The following PAX3 variants were observed in gnomAD, a reference collection of about 807,000 sequenced individuals.
PAX3 encodes paired box 3.
A neutral mutation model predicts 51.6 loss-of-function variants in PAX3; 14 were observed. That is an observed-to-expected ratio of 0.27 (90% CI 0.18 to 0.42). The LOEUF (loss-of-function observed/expected upper bound fraction) is 0.42. Among genes scored for constraint, PAX3 ranks in the 10% least tolerant of loss-of-function variants. PAX3 has a pLI of 1.00. For synonymous variants in PAX3, 280 were observed against 253.4 expected (o/e 1.11, Z -1.00); for missense variants, 540 against 642.8 (o/e 0.84, Z 1.73).
chr2:222,237,138 G>A (rs1280385598), intron 4 of PAX3, among the ~76,000 whole-genome samples: 1 of 151,888 alleles, frequency 6.6e-6, no homozygotes, highest in East Asian at 1.9e-4. Context: ...TAACTTCACA[G>A]CAATCCTAGG....
At chr2:222,295,782 A>T in intron 2 of PAX3, 125 bp from the exon 3 acceptor site, 1 of 1,113,238 alleles carries the variant, frequency 9.0e-7, no homozygotes, top group Non-Finnish European at 1.4e-6. Flanking sequence ...CCCCTTTGTG[A>T]GCAAAAAGAC....
chr2:222,258,106 C>T (rs1693714966), intron 4 of PAX3, among the ~76,000 whole-genome samples: 1 of 152,174 alleles, frequency 6.6e-6, no homozygotes, highest in Non-Finnish European at 1.5e-5. Flanking sequence ...AATCCTCCAA[C>T]CCTAGTGGAA....
rs1230564802 is a variant in PAX3, at chr2:222,201,094, C to G, written c.*314G>C. ...AAGCAAATGGAATGTTCTAGCTCCT[C>G]GATGATCAGCACTAAAGAATTGGGA... On this transcript the variant is annotated 3_prime_UTR_variant, in exon 9 of 9. Coordinates refer to ENST00000392070, the MANE Select transcript of PAX3 (RefSeq NM_181458.4). 2 of 1,457,646 alleles carry G rather than the reference C, an allele frequency of 1.4e-6. No individual in the cohort carries two copies. The highest frequency in any genetic ancestry group is 1.4e-5 in the African/African-American group (1 of 71,864). The allele number at this position is 1,457,646 out of a possible 1,614,324, so 90.3% of individuals were successfully genotyped here.
intron 5 of PAX3, among the ~76,000 whole-genome samples, chr2:222,228,309 C>T (rs943255819): frequency 6.6e-6 from 1 of 152,058 alleles, no homozygotes; most frequent in Non-Finnish European, 1.5e-5. Context: ...ACAGCTGTTA[C>T]GTTAATGAAG....
At chr2:222,243,984 C>G (rs6436305) in intron 4 of PAX3, among the ~76,000 whole-genome samples, 1 of 152,072 alleles carries the variant, frequency 6.6e-6, no homozygotes, top group South Asian at 2.1e-4. Context: ...TCCCTAGAGG[C>G]CGTGAAGAGG....
chr2:222,220,364 A>G lies in PAX3; in HGVS notation c.959-10T>C. On this transcript the variant is annotated splice_polypyrimidine_tract_variant and intron_variant, in intron 6 of 8. Transcript: ENST00000392070. ...CTGGGATCTGACACAGCTGAAATGA[A>G]AAAGATTGTCAACCATCATGTTTTC... 2 of 1,613,472 alleles carry G rather than the reference A, an allele frequency of 1.2e-6. No individual in the cohort carries two copies. The highest frequency in any genetic ancestry group is 1.7e-6 in the Non-Finnish European group (2 of 1,179,476).
At chr2:222,266,885 A>G (rs1286073409) in intron 4 of PAX3, among the ~76,000 whole-genome samples, 1 of 152,204 alleles carries the variant, frequency 6.6e-6, no homozygotes, top group Non-Finnish European at 1.5e-5. Context: ...AGTTTGTTGC[A>G]TTTGCAACCT....
chr2:222,295,987 A>C (rs1471934963), intron 2 of PAX3, among the ~76,000 whole-genome samples: 2 of 152,246 alleles, frequency 1.3e-5, no homozygotes, highest in Admixed American at 6.5e-5. Context: ...AACTGCTTAC[A>C]CAGAACCAAC....
intron 4 of PAX3, among the ~76,000 whole-genome samples, chr2:222,258,562 C>T (rs1693732950): frequency 6.6e-6 from 1 of 152,092 alleles, no homozygotes; most frequent in South Asian, 2.1e-4. Context: ...TAAACTTTGA[C>T]CTGTTGTTTG....
intron 4 of PAX3, among the ~76,000 whole-genome samples, chr2:222,248,607 C>A (rs1446491974): frequency 6.6e-6 from 1 of 152,148 alleles, no homozygotes; most frequent in African/African-American, 2.4e-5. Context: ...AATTTGTATC[C>A]ATTTAGCTGT....
chr2:222,231,952 G>T, intron 5 of PAX3, 126 bp downstream of exon 5: 1 of 810,556 alleles, frequency 1.2e-6, no homozygotes. Flanking sequence ...CTAACAATAT[G>T]CATCCCTAGT....
chr2:222,284,357 A>T (rs922346297), intron 4 of PAX3, among the ~76,000 whole-genome samples: 1 of 152,210 alleles, frequency 6.6e-6, no homozygotes, highest in Admixed American at 6.5e-5. Context: ...TGCTGAAAAA[A>T]CTTGTGCCAA....
chr2:222,287,441 T>C (rs907863245), intron 4 of PAX3: 4 of 152,250 alleles, frequency 2.6e-5, no homozygotes, highest in African/African-American at 9.6e-5. Context: ...CAGCCGGTTC[T>C]TGGGTCAGCA....
chr2:222,217,405 A>AAGAG (rs1490047232), intron 7 of PAX3, among the ~76,000 whole-genome samples: 1 of 152,114 alleles, frequency 6.6e-6, no homozygotes, highest in South Asian at 2.1e-4. Flanking sequence ...CTCTTCATTC[A>AAGAG]ACTCTGGACT....
intron 4 of PAX3, among the ~76,000 whole-genome samples, chr2:222,240,882 C>T (rs562789595): frequency 6.4e-4 from 97 of 152,196 alleles, no homozygotes; most frequent in Admixed American, 1.4e-3. Context: ...CTTTTTAAAA[C>T]GCCATGGTAA....
chr2:222,293,874 C>A, intron 4 of PAX3: 10 of 1,607,992 alleles, frequency 6.2e-6, no homozygotes, highest in Non-Finnish European at 8.5e-6. Flanking sequence ...GTGAGAGCTT[C>A]CCCTGCCCCC....
At chr2:222,218,338 T>C (rs540975791) in intron 7 of PAX3, among the ~76,000 whole-genome samples, 2 of 152,210 alleles carry the variant, frequency 1.3e-5, no homozygotes, top group South Asian at 4.1e-4. Flanking sequence ...AGAATACACA[T>C]CATAACATAC....
intron 4 of PAX3, among the ~76,000 whole-genome samples, chr2:222,287,871 C>A (rs1316483783): frequency 6.6e-6 from 1 of 152,102 alleles, no homozygotes; most frequent in Non-Finnish European, 1.5e-5. Context: ...AAAAATAAAA[C>A]AATAAAGCCT....
At chr2:222,293,358 G>A (rs982862635) in intron 4 of PAX3, among the ~76,000 whole-genome samples, 2 of 151,876 alleles carry the variant, frequency 1.3e-5, no homozygotes, top group Non-Finnish European at 2.9e-5. Context: ...TTCTTTTTGC[G>A]TTTGTACCCT....
Sources: gnomAD v4.1 joint callset for allele counts (sites outside exome capture counted in the v4.1 genomes callset) on GRCh38, gnomAD v4.1.1 for gene constraint, MANE v1.5 for transcripts, NCBI Gene and HGNC (gene_info 2026-07-23, HGNC 2026-07-21) for gene names.